NEDD4: variants seen among roughly 807,000 people sequenced by gnomAD.
NEDD4 encodes the protein NEDD4 E3 ubiquitin protein ligase.
In NEDD4, 99 loss-of-function variants were observed where a neutral mutation model predicts 144.9. The ratio of observed to expected loss-of-function variants is 0.68; its 90% CI spans 0.58 to 0.81. NEDD4 has a LOEUF of 0.81. NEDD4 is among the 30% of genes least tolerant of loss of function. The pLI is 0.00. For synonymous variants in NEDD4, 318 were observed against 350.6 expected (o/e 0.91, Z 1.04); for missense variants, 985 against 1,065.9 (o/e 0.92, Z 1.06).
chr15:55,933,658 C>T (rs867700194), intron 4 of NEDD4, among the ~76,000 whole-genome samples: 1 of 151,618 alleles, frequency 6.6e-6, no homozygotes, highest in African/African-American at 2.4e-5. Context: ...ACGTTGTGTA[C>T]GTGTACCCTA....
chr15:55,926,006 C>A (rs532045321), intron 4 of NEDD4, among the ~76,000 whole-genome samples: 37 of 151,552 alleles, frequency 2.4e-4, no homozygotes, highest in African/African-American at 8.7e-4. Flanking sequence ...TATACATATA[C>A]AGTATGTAAA....
intron 1 of NEDD4, among the ~76,000 whole-genome samples, chr15:55,968,913 C>A (rs1473203522): frequency 6.6e-6 from 1 of 152,134 alleles, no homozygotes; most frequent in Non-Finnish European, 1.5e-5. Flanking sequence ...GAGTCCCCAC[C>A]AAGGAACATC....
intron 26 of NEDD4, 138 bp from the exon 27 acceptor site, chr15:55,833,242 G>A: frequency 1.7e-6 from 1 of 593,016 alleles, no homozygotes; most frequent in Admixed American, 3.1e-5. Flanking sequence ...TTAAATTTTT[G>A]TTTATAGATG....
At chr15:55,878,703 G>A (rs2142083304) in intron 5 of NEDD4, among the ~76,000 whole-genome samples, 1 of 152,274 alleles carries the variant, frequency 6.6e-6, no homozygotes, top group East Asian at 1.9e-4. Flanking sequence ...GGAAATAAAT[G>A]TCCTTTGAAA....
In NEDD4 at chr15:55,944,133, G is replaced by C. The variant is rs1481528590; in HGVS notation, c.237+7243C>G. On this transcript the variant is annotated intron_variant, in intron 4 of 28. Transcript: ENST00000435532. The stretch of plus-strand genomic sequence containing the variant: ...GTGCCTGGTTCATCTCATTTGGACT[G>C]GCTGGACAGTGGGTGCAGCCCACAG... Among the ~76,000 whole-genome samples the C allele has an allele frequency of 2.0e-5, 3 of 152,218 alleles. No homozygotes were observed. The East Asian group carries it at 5.8e-4, about 29-fold the overall frequency.
At chr15:55,902,761 AGTAT>A (rs2035950918) in intron 5 of NEDD4, among the ~76,000 whole-genome samples, 1 of 152,228 alleles carries the variant, frequency 6.6e-6, no homozygotes, top group Non-Finnish European at 1.5e-5. Context: ...CAGAAAACAA[AGTAT>A]GTGTTAATCA....
intron 5 of NEDD4, among the ~76,000 whole-genome samples, chr15:55,878,258 C>T (rs1404529745): frequency 6.6e-6 from 1 of 151,930 alleles, no homozygotes; most frequent in Admixed American, 6.6e-5. Flanking sequence ...TAAAAAGAAA[C>T]ATTTCATAAT....
Position 55,838,666 on chromosome 15 carries a change from A to C in NEDD4, c.2032-62T>G. 5.4e-6 allele frequency: 6 copies of C among 1,111,032 alleles called. No individual in the cohort carries two copies. The South Asian group carries it at 7.8e-5, about 14-fold the overall frequency. The allele number at this position is 1,111,032 out of a possible 1,614,324, so 68.8% of individuals were successfully genotyped here. ...TATAACACACCTGAAATTGCAAAAA[A>C]CAGTATGTAGAGGGTCTGAATAATT... On this transcript the variant is annotated intron_variant, in intron 21 of 28. Transcript: ENST00000435532.
chr15:55,940,866 C>T (rs1331855230), intron 4 of NEDD4, among the ~76,000 whole-genome samples: 3 of 151,762 alleles, frequency 2.0e-5, no homozygotes, highest in Non-Finnish European at 4.4e-5. Context: ...AAAAGAATGG[C>T]AATATTTTTA....
intron 1 of NEDD4, among the ~76,000 whole-genome samples, chr15:55,971,294 C>T (rs1021484072): frequency 6.6e-6 from 1 of 151,938 alleles, no homozygotes; most frequent in Non-Finnish European, 1.5e-5. Flanking sequence ...CAAAGCATGC[C>T]TACAGGATCT....
At chr15:55,840,844 C>G (rs1208486085) in intron 19 of NEDD4, 117 bp from the exon 20 acceptor site, 1 of 1,004,826 alleles carries the variant, frequency 1.0e-6, no homozygotes, top group Non-Finnish European at 1.5e-6. Flanking sequence ...CATTCCTCCA[C>G]TGGATTTAAT....
chr15:55,941,382 G>T (rs1235922820), intron 4 of NEDD4, among the ~76,000 whole-genome samples: 1 of 151,772 alleles, frequency 6.6e-6, no homozygotes, highest in Non-Finnish European at 1.5e-5. Flanking sequence ...TCCCACATTT[G>T]GTATGTTATG....
chr15:55,903,750 G>A (rs192143049), intron 5 of NEDD4, among the ~76,000 whole-genome samples: 47 of 150,868 alleles, frequency 3.1e-4, no homozygotes, highest in African/African-American at 1.1e-3. Context: ...GCGTGAACCC[G>A]GGAGGCGGAG....
At chr15:55,962,895 T>G (rs1315790101) in intron 2 of NEDD4, among the ~76,000 whole-genome samples, 1 of 151,836 alleles carries the variant, frequency 6.6e-6, no homozygotes, top group Non-Finnish European at 1.5e-5. Context: ...CAACTGATTC[T>G]CCTGCTTCAG....
Position 55,951,709 on chromosome 15 carries a change from G to C in NEDD4, c.120-120C>G, listed in dbSNP as rs1361033643. 8.0e-6 allele frequency: 6 copies of C among 748,450 alleles called. No homozygotes were observed. The Admixed American group carries it at 2.4e-4, about 30-fold the overall frequency. The allele number at this position is 748,450 out of a possible 1,614,324, so 46.4% of individuals were successfully genotyped here. A position where few individuals can be genotyped will look rare whatever the true frequency, so the allele number is the denominator to read the frequency against. On this transcript the variant is annotated intron_variant, in intron 2 of 28. Coordinates refer to ENST00000435532, the MANE Select transcript of NEDD4 (RefSeq NM_006154.4). Reference sequence around the variant, plus strand: ...TTAGTTATATCTACAATTATTTCCTGAATTTAAAAGTCAGGATTCTTAGGC... The same window carrying C: ...TTAGTTATATCTACAATTATTTCCTCAATTTAAAAGTCAGGATTCTTAGGC...
intron 18 of NEDD4, among the ~76,000 whole-genome samples, chr15:55,845,948 A>C (rs1246094500): frequency 6.6e-6 from 1 of 151,762 alleles, no homozygotes; most frequent in Non-Finnish European, 1.5e-5. Flanking sequence ...ATCACACCTA[A>C]CTAATTTTTG....
intron 1 of NEDD4, among the ~76,000 whole-genome samples, chr15:55,977,329 G>T (rs746961160): frequency 1.3e-5 from 2 of 152,152 alleles, no homozygotes; most frequent in African/African-American, 2.4e-5. Flanking sequence ...ATGCTGTAAA[G>T]GTTTGTAGAC....
At chr15:55,859,678 A>T (rs1270442176) in intron 11 of NEDD4, among the ~76,000 whole-genome samples, 1 of 152,220 alleles carries the variant, frequency 6.6e-6, no homozygotes, top group East Asian at 1.9e-4. Flanking sequence ...TCTAGGTGAC[A>T]GAGTGAGATG....
chr15:55,916,115 A>C, intron 5 of NEDD4: 1 of 1,613,978 alleles, frequency 6.2e-7, no homozygotes, highest in Non-Finnish European at 8.5e-7. Flanking sequence ...GTTCCAAGTC[A>C]TCCTGGACAA....
Sources: allele counts gnomAD v4.1 joint callset (sites outside exome capture counted in the v4.1 genomes callset), GRCh38; gene constraint gnomAD v4.1.1; transcripts MANE v1.5; gene names NCBI Gene and HGNC (gene_info 2026-07-23, HGNC 2026-07-21).